ARHGEF11: variants seen among roughly 807,000 people sequenced by gnomAD.
ARHGEF11 encodes the protein Rho guanine exchange factor (GEF) 11.
ARHGEF11 carries 55 observed loss-of-function variants against 193.7 expected under a neutral mutation model. The ratio of observed to expected loss-of-function variants is 0.28; its 90% confidence interval spans 0.23 to 0.36. The LOEUF (loss-of-function observed/expected upper bound fraction) is 0.36. Ranked by LOEUF, ARHGEF11 falls within the 10% of genes least tolerant of loss-of-function variation. ARHGEF11 has a pLI of 1.00. For missense variants in ARHGEF11, 1,723 were observed against 2,005.6 expected, an observed-to-expected ratio of 0.86 and a Z score of 2.69; for synonymous variants, 693 against 768.0, an observed-to-expected ratio of 0.90 and a Z score of 1.62.
chr1:156,998,953 A>T (rs869723), intron 1 of ARHGEF11, among the ~76,000 whole-genome samples: 27,303 of 152,148 alleles, frequency 0.18, 2,511 homozygotes, highest in East Asian at 0.33. Flanking sequence ...AGCAACTTTC[A>T]GGAAGATCCA....
rs772936944 is a variant in ARHGEF11 at position 156,955,807 on chromosome 1, G to A, written c.1672-8C>T. 1.2e-6 allele frequency: 2 copies of A among 1,610,924 alleles called. No homozygotes were observed. Among genetic ancestry groups the A allele is most frequent in the South Asian group, 1.1e-5 (1 of 90,992 alleles). ...TTTCTTGGAATTGCTGCTCTGCTGA[G>A]ACAGGAGACACTGGTGTTTGCAGGA... On this transcript the variant is annotated splice_region_variant and splice_polypyrimidine_tract_variant and intron_variant, in intron 19 of 40. Transcript: ENST00000368194.
At chr1:156,979,444 A>C (rs1396569271) in intron 4 of ARHGEF11, among the ~76,000 whole-genome samples, 158 bp from the exon 5 acceptor site, 1 of 142,128 alleles carries the variant, frequency 7.0e-6, no homozygotes, top group Non-Finnish European at 1.5e-5. Flanking sequence ...GGCTCACTGC[A>C]AGCTCCACCT....
intron 1 of ARHGEF11, among the ~76,000 whole-genome samples, chr1:157,038,943 T>C (rs759255576): frequency 6.6e-6 from 1 of 152,030 alleles, no homozygotes; most frequent in Non-Finnish European, 1.5e-5. Flanking sequence ...CACCTGAGCC[T>C]GGGGAGGTCA....
At chr1:156,973,647 T>G (rs1000221077) in intron 7 of ARHGEF11, among the ~76,000 whole-genome samples, 2 of 152,204 alleles carry the variant, frequency 1.3e-5, no homozygotes, top group African/African-American at 4.8e-5. Flanking sequence ...AAAGCTGACC[T>G]TCATTTCCTT....
chr1:156,957,545 T>A (rs1231859568), intron 18 of ARHGEF11, among the ~76,000 whole-genome samples: 1 of 152,186 alleles, frequency 6.6e-6, no homozygotes, highest in Non-Finnish European at 1.5e-5. Flanking sequence ...GGCAGCTTGG[T>A]GTCTTCCCAC....
chr1:157,011,662 TG>T (rs1668558440), intron 1 of ARHGEF11, among the ~76,000 whole-genome samples: 1 of 152,000 alleles, frequency 6.6e-6, no homozygotes, highest in Non-Finnish European at 1.5e-5. Flanking sequence ...AATTAAAAAA[TG>T]GGCAAAGATC....
chr1:156,937,495 C>A lies in ARHGEF11; in HGVS notation c.4194G>T (p.Gly1398=), dbSNP rs1655713769. The A allele has an allele frequency of 2.0e-6, 3 of 1,518,424 alleles. No individual in the cohort carries two copies. The highest frequency in any genetic ancestry group is 1.4e-5 in the African/African-American group (1 of 71,450). 94.1% of individuals were successfully genotyped at this position (1,518,424 alleles called of 1,614,324 possible). A position where few individuals can be genotyped will look rare whatever the true frequency, so the allele number is the denominator to read the frequency against. Residue 1398 remains glycine (G), a splice_region_variant and synonymous_variant, in exon 39 of 41, where the codon GGG becomes GGT. Coordinates refer to ENST00000368194, the MANE Select transcript of ARHGEF11 (RefSeq NM_198236.3). ...ATGGCATGCTGACATAAAAGCAGTT[C>A]CCTGTCCCCACAGTAAGAGAATGAG... ...PEVEGGTKAT[G]NCFYVSMPSG...
intron 22 of ARHGEF11, among the ~76,000 whole-genome samples, chr1:156,950,104 C>T (rs1278925488): frequency 1.3e-5 from 2 of 152,156 alleles, no homozygotes; most frequent in Non-Finnish European, 2.9e-5. Flanking sequence ...GATATATCTA[C>T]GACATCATGT....
chr1:156,997,896 T>C (rs1666749467), intron 1 of ARHGEF11, among the ~76,000 whole-genome samples: 3 of 152,170 alleles, frequency 2.0e-5, no homozygotes, highest in Admixed American at 2.0e-4. Flanking sequence ...AAATTACATG[T>C]GGTTTGCACT....
chr1:156,985,940 A>G (rs546342893), intron 2 of ARHGEF11, 142 bp downstream of exon 2: 8 of 650,534 alleles, frequency 1.2e-5, no homozygotes, highest in African/African-American at 5.4e-5. Flanking sequence ...AACTTAGTAC[A>G]GACACCTGAC....
Position 156,954,934 on chromosome 1 carries a change from C to T in ARHGEF11, c.1769-13G>A, listed in dbSNP as rs1659730263. 1 of 1,599,670 alleles carries T rather than the reference C, an allele frequency of 6.3e-7. No homozygotes were observed. The highest frequency in any genetic ancestry group is 1.1e-5 in the South Asian group (1 of 88,130). ...GGAATATGAAATGCTAAAAGAAAAA[C>T]AAACAAAAACAAAAGTAAACCATGA... On this transcript the variant is annotated splice_polypyrimidine_tract_variant and intron_variant, in intron 20 of 40. Transcript: ENST00000368194.
intron 1 of ARHGEF11, among the ~76,000 whole-genome samples, chr1:157,024,677 C>T (rs987037829): frequency 6.6e-6 from 1 of 151,596 alleles, no homozygotes; most frequent in African/African-American, 2.4e-5. Flanking sequence ...TTATAATAAT[C>T]TCCTTTTCAT....
At chr1:157,008,131 A>T (rs1012886611) in intron 1 of ARHGEF11, among the ~76,000 whole-genome samples, 1 of 152,168 alleles carries the variant, frequency 6.6e-6, no homozygotes, top group Non-Finnish European at 1.5e-5. Context: ...AAATAATGCA[A>T]ATCTACATCT....
chr1:157,022,899 G>C (rs1334024709), intron 1 of ARHGEF11, among the ~76,000 whole-genome samples: 2 of 152,328 alleles, frequency 1.3e-5, no homozygotes, highest in Middle Eastern at 3.4e-3. Context: ...CAATTAAATG[G>C]AGAAAGAATA....
intron 1 of ARHGEF11, among the ~76,000 whole-genome samples, chr1:157,024,433 T>C (rs1557971692): frequency 6.6e-6 from 1 of 152,132 alleles, no homozygotes; most frequent in Non-Finnish European, 1.5e-5. Context: ...AAAAGAAGAA[T>C]ATACATGAAA....
At chr1:156,992,509 G>A (rs11264592) in intron 1 of ARHGEF11, among the ~76,000 whole-genome samples, 3,090 of 152,280 alleles carry the variant, frequency 0.02, 116 homozygotes, top group African/African-American at 0.071. Flanking sequence ...CACAGGGTGG[G>A]CGACAAAGCA....
intron 1 of ARHGEF11, among the ~76,000 whole-genome samples, chr1:157,022,787 G>A (rs192585392): frequency 2.0e-5 from 3 of 152,286 alleles, no homozygotes; most frequent in Non-Finnish European, 1.5e-5. Context: ...AAGCTTCAGT[G>A]TAGTACTGGC....
chr1:156,999,051 G>C (rs1418671998), intron 1 of ARHGEF11, among the ~76,000 whole-genome samples: 1 of 152,198 alleles, frequency 6.6e-6, no homozygotes, highest in African/African-American at 2.4e-5. Flanking sequence ...AGGAGGGAGG[G>C]GGCGGGCCCT....
chr1:156,988,139 A>T (rs1665200429), intron 1 of ARHGEF11, among the ~76,000 whole-genome samples: 1 of 152,212 alleles, frequency 6.6e-6, no homozygotes, highest in Non-Finnish European at 1.5e-5. Context: ...AGCTCCCAGT[A>T]TCTGTCCTTC....
Sources: gnomAD v4.1 joint callset for allele counts (sites outside exome capture counted in the v4.1 genomes callset) on GRCh38, gnomAD v4.1.1 for gene constraint, MANE v1.5 for transcripts, NCBI Gene and HGNC (gene_info 2026-07-23, HGNC 2026-07-21) for gene names.